The following FMNL3 variants were observed in gnomAD, a reference collection of about 807,000 sequenced individuals.
FMNL3 encodes formin like 3.
Under a neutral mutation model 119.6 loss-of-function variants are expected in FMNL3, and 57 were observed. The ratio of observed to expected loss-of-function variants is 0.48; its 90% CI spans 0.39 to 0.59. The LOEUF is 0.59. FMNL3 is among the 20% of genes least tolerant of loss of function. The pLI, the probability that FMNL3 is intolerant of heterozygous loss-of-function variation, is 0.00. For missense variants in FMNL3, 1,053 were observed against 1,323.5 expected (o/e 0.80, Z 3.17); for synonymous variants, 491 against 507.3 (o/e 0.97, Z 0.43).
intron 4 of FMNL3, among the ~76,000 whole-genome samples, chr12:49,663,027 A>T (rs913499777): frequency 2.0e-5 from 3 of 152,206 alleles, no homozygotes; most frequent in Non-Finnish European, 4.4e-5. Context: ...CATGTTGGCC[A>T]GCCACACCCC....
At chr12:49,671,977 A>C (rs1944057617) in intron 1 of FMNL3, among the ~76,000 whole-genome samples, 1 of 152,164 alleles carries the variant, frequency 6.6e-6, no homozygotes, top group African/African-American at 2.4e-5. Flanking sequence ...TAAACGAGAT[A>C]ATCTCACTAC....
At chr12:49,684,765 T>C (rs1944416035) in intron 1 of FMNL3, among the ~76,000 whole-genome samples, 1 of 152,206 alleles carries the variant, frequency 6.6e-6, no homozygotes, top group South Asian at 2.1e-4. Context: ...GAAAATAATC[T>C]GCAGACGTGA....
chr12:49,667,555 C>G (rs1445890801), intron 2 of FMNL3, among the ~76,000 whole-genome samples: 3 of 152,200 alleles, frequency 2.0e-5, no homozygotes, highest in African/African-American at 7.2e-5. Context: ...TGCCTGAGCT[C>G]AGCCCTGGCT....
chr12:49,658,867 C>T (rs920692561), intron 5 of FMNL3, among the ~76,000 whole-genome samples: 9 of 152,306 alleles, frequency 5.9e-5, no homozygotes, highest in South Asian at 2.1e-4. Context: ...CCTCTGCTCC[C>T]CACTAGCCAG....
intron 4 of FMNL3, among the ~76,000 whole-genome samples, chr12:49,663,978 G>A (rs1484250713): frequency 6.6e-6 from 1 of 152,164 alleles, no homozygotes; most frequent in African/African-American, 2.4e-5. Flanking sequence ...GCCAGGCACG[G>A]TGGCTCACAT....
Position 49,658,462 on chromosome 12 carries a change from A to G in FMNL3, c.585T>C (p.Ser195=), listed in dbSNP as rs530122245. The G allele has an allele frequency of 2.1e-5, 34 of 1,609,368 alleles. No individual in the cohort carries two copies. The highest frequency in any genetic ancestry group is 2.0e-5 in the Non-Finnish European group (24 of 1,177,256). The change falls in exon 6 of 26, where the codon TCT becomes TCC. Residue 195 remains serine, a synonymous_variant. Transcript: ENST00000335154. Reference sequence around the variant, plus strand: ...CATACCGGAGCACAGACTGGCGCGCAGAGCGAGCGAGGCTGTTGGTGAAGG... The same window carrying G: ...CATACCGGAGCACAGACTGGCGCGCGGAGCGAGCGAGGCTGTTGGTGAAGG... ...SAPFTNSLAR[S]ARQSVLRYST...
At position 49,642,356 on chromosome 12, in the gene FMNL3, G is replaced by A. The variant is rs765830577; in HGVS notation, c.*3459C>T. ...CAGGCTGTGCCTGCTCTGGAGCTAG[G>A]CACTGCCTGGGAAGAGGTCAGGAGC... On this transcript the variant is annotated 3_prime_UTR_variant, in exon 26 of 26. Coordinates refer to ENST00000335154, the MANE Select transcript of FMNL3 (RefSeq NM_175736.5). This position sits in a 1 kb window ranked among gnomAD's most constrained non-coding sequence, Gnocchi z 5.8. 2.9e-5 allele frequency: 47 copies of A among 1,613,762 alleles called. No homozygotes were observed. Among genetic ancestry groups the A allele is most frequent in the Non-Finnish European group, 2.8e-5 (33 of 1,180,036 alleles).
In FMNL3 at chr12:49,703,250, C is replaced by G. The variant is rs182191523; in HGVS notation, c.126+3805G>C. Among the ~76,000 whole-genome samples the G allele has an allele frequency of 5.9e-5, 9 of 152,318 alleles. No homozygotes were observed. In the East Asian group the frequency reaches 1.7e-3, roughly 29 times the overall value. ...AAGACCTTAGAGCCCTCTGCCTCCC[C>G]TCTCTATGGAAAGTCCAGTACTGGC... is the stretch of plus-strand genomic sequence containing the variant. On this transcript the variant is annotated intron_variant, in intron 1 of 25. Coordinates refer to ENST00000335154, the MANE Select transcript of FMNL3 (RefSeq NM_175736.5).
intron 17 of FMNL3, among the ~76,000 whole-genome samples, chr12:49,650,317 T>C (rs1943356665): frequency 6.6e-6 from 1 of 152,172 alleles, no homozygotes; most frequent in African/African-American, 2.4e-5. Flanking sequence ...CTAACTCATA[T>C]CTTTTCTTCA....
At chr12:49,704,367 A>G (rs1944985979) in intron 1 of FMNL3, among the ~76,000 whole-genome samples, 1 of 152,194 alleles carries the variant, frequency 6.6e-6, no homozygotes, top group Non-Finnish European at 1.5e-5. Context: ...TAGGAAAGAA[A>G]AAGGTGAGAA....
At chr12:49,697,944 AT>A (rs930916080) in intron 1 of FMNL3, among the ~76,000 whole-genome samples, 2 of 152,124 alleles carry the variant, frequency 1.3e-5, no homozygotes, top group Admixed American at 6.5e-5. Context: ...CCAGAACAAA[AT>A]TTTTTTTAAG....
At position 49,637,029 on chromosome 12, in the gene FMNL3, C is replaced by G. The variant is rs1156241472; in HGVS notation, c.*8786G>C. The G allele has an allele frequency of 4.3e-6, 4 of 921,562 alleles. No individual in the cohort carries two copies. The highest frequency in any genetic ancestry group is 6.5e-6 in the Non-Finnish European group (4 of 619,284). The allele number at this position is 921,562 out of a possible 1,614,324, so 57.1% of individuals were successfully genotyped here. A position where few individuals can be genotyped will look rare whatever the true frequency, so the allele number is the denominator to read the frequency against. ...TCTGCTGTACCTCCTCAATTCTGGA[C>G]TGTGCTCTTCTAGGGAGACTAGATG... On this transcript the variant is annotated 3_prime_UTR_variant, in exon 26 of 26. Transcript: ENST00000335154.
At chr12:49,646,522 T>C in intron 25 of FMNL3, 1 of 771,998 alleles carries the variant, frequency 1.3e-6, no homozygotes, top group Non-Finnish European at 2.0e-6. Context: ...GTGTCCCCAT[T>C]GCTGGGAGGC....
rs1241511334 is a variant in FMNL3, at chr12:49,649,007, C to T, written c.2515+22G>A. 1.3e-6 allele frequency: 2 copies of T among 1,567,972 alleles called. No homozygotes were observed. The highest frequency in any genetic ancestry group is 2.2e-5 in the East Asian group (1 of 44,664). On this transcript the variant is annotated intron_variant, in intron 21 of 25. Coordinates refer to ENST00000335154, the MANE Select transcript of FMNL3 (RefSeq NM_175736.5). This position sits in a 1 kb window ranked among gnomAD's most constrained non-coding sequence, Gnocchi z 5.6. The stretch of plus-strand genomic sequence containing the variant: ...CCTGGGCTGGATGTGAGGGCAGGCC[C>T]ACCCAGCCAGGCTCTCCTCACCTGC...
At position 49,643,422 on chromosome 12, in the gene FMNL3, A is replaced by AGTT; in HGVS notation, c.*2392_*2393insAAC. ...GGTAAGCAGTTGCTGTGAGCGTAGA[A>AGTT]GCTGGAGAACTGTTGTCCCAGACTG... On this transcript the variant is annotated 3_prime_UTR_variant, in exon 26 of 26. Coordinates refer to ENST00000335154, the MANE Select transcript of FMNL3 (RefSeq NM_175736.5). 6.5e-7 allele frequency: 1 copy of AGTT among 1,533,728 alleles called. No individual in the cohort carries two copies. The highest frequency in any genetic ancestry group is 8.7e-7 in the Non-Finnish European group (1 of 1,143,044).
intron 14 of FMNL3, 108 bp from the exon 15 acceptor site, chr12:49,651,558 C>T: frequency 1.2e-6 from 1 of 834,926 alleles, no homozygotes; most frequent in South Asian, 3.5e-5. Context: ...AAAAAAAAAA[C>T]TCTCAGAGAA....
Position 49,649,904 on chromosome 12 carries a change from A to G in FMNL3, c.2022T>C (p.Pro674=), listed in dbSNP as rs61733848. ...AIHTFDLQTL[P]VDFVECLMRF... is the part of the protein sequence containing the mutation. ...GCATCAGGCACTCCACGAAGTCCAC[A>G]GGTAGTGTCTGCAAGTCAAACCTGT... is the stretch of plus-strand genomic sequence containing the variant. The change falls in exon 18 of 26, where the codon CCT becomes CCC. Residue 674 remains proline, a synonymous_variant. Transcript: ENST00000335154. This position sits in a 1 kb window ranked among gnomAD's most constrained non-coding sequence, Gnocchi z 5.6. 21,966 of 1,613,856 alleles carry G rather than the reference A, an allele frequency of 0.014. 217 individuals are homozygous for G. The highest frequency in any genetic ancestry group is 0.04 in the African/African-American group (2,989 of 75,022).
chr12:49,649,074 C>G lies in FMNL3; in HGVS notation c.2470G>C (p.Ala824Pro), dbSNP rs1218218024. The change falls in exon 21 of 26, where the codon GCT becomes CCT. Residue 824 changes from alanine to proline, a missense_variant. Transcript: ENST00000335154. The surrounding 1 kb of genome is among the most constrained non-coding windows in gnomAD (Gnocchi z 5.6). ...AAGTGCAGCTCATGCCAGAAGTTAG[C>G]CAGGTCTGGGTATTTCTCCTTCACT... ...LTVKEKYPDLANFWHELHFVE... is the reference protein window; with the variant it reads ...LTVKEKYPDLPNFWHELHFVE... The G allele has an allele frequency of 6.2e-7, 1 of 1,612,668 alleles. No individual in the cohort carries two copies. Among genetic ancestry groups the G allele is most frequent in the East Asian group, 2.2e-5 (1 of 44,886 alleles).
chr12:49,683,542 A>G (rs1339797926), intron 1 of FMNL3, among the ~76,000 whole-genome samples: 2 of 152,134 alleles, frequency 1.3e-5, no homozygotes, highest in East Asian at 1.9e-4. Context: ...AAATTTAACT[A>G]TTTATTAATA....
Sources: gnomAD v4.1 joint callset for allele counts (sites outside exome capture counted in the v4.1 genomes callset) on GRCh38, gnomAD v4.1.1 for gene constraint, Gnocchi (gnomAD v3.1) non-coding constraint, MANE v1.5 for transcripts, NCBI Gene and HGNC (gene_info 2026-07-23, HGNC 2026-07-21) for gene names.